Variants in EPHX1 observed in about 807,000 individuals in gnomAD.
EPHX1 encodes the protein epoxide hydrolase 1.
In EPHX1, 40 loss-of-function variants were observed where a neutral mutation model predicts 43.2. The observed-to-expected ratio is 0.93, with a 90% CI of 0.72 to 1.21. The LOEUF (loss-of-function observed/expected upper bound fraction) is 1.21. Among genes scored for constraint, EPHX1 ranks in the 50% most tolerant of loss-of-function variants. The probability of loss-of-function intolerance (pLI) is 0.00; values close to 1 mark genes in which losing one functional copy is unlikely to be tolerated. For synonymous variants in EPHX1, 221 were observed against 226.7 expected (o/e 0.98, Z 0.22); for missense variants, 550 against 570.4 (o/e 0.96, Z 0.36).
chr1:225,840,050 A>C lies in EPHX1; in HGVS notation c.931+13A>C. ...CCTGACACCGTAGGTGAGTGTGCTC[A>C]GGGGTCCTCGCCCACTGCCGGCTCC... On this transcript the variant is annotated intron_variant, in intron 6 of 8. Coordinates refer to ENST00000272167, the MANE Select transcript of EPHX1 (RefSeq NM_001136018.4). 6.2e-7 allele frequency: 1 copy of C among 1,613,412 alleles called. No individual in the cohort carries two copies. Among genetic ancestry groups the C allele is most frequent in the Non-Finnish European group, 8.5e-7 (1 of 1,179,708 alleles).
At chr1:225,841,728 A>G (rs1233779054) in intron 6 of EPHX1, among the ~76,000 whole-genome samples, 1 of 151,502 alleles carries the variant, frequency 6.6e-6, no homozygotes, top group Non-Finnish European at 1.5e-5. Flanking sequence ...CAGCCTCCCA[A>G]GTAGCTGGGA....
intron 1 of EPHX1, among the ~76,000 whole-genome samples, chr1:225,818,378 G>A (rs1666821132): frequency 6.6e-6 from 1 of 152,154 alleles, no homozygotes; most frequent in South Asian, 2.1e-4. Context: ...TAATCACCCT[G>A]ACAAATGTGA....
intron 3 of EPHX1, chr1:225,832,184 C>T (rs541374315): frequency 1.2e-5 from 7 of 566,124 alleles, no homozygotes; most frequent in South Asian, 1.2e-4. Context: ...AATTTAAAAA[C>T]CAAAGAAATG....
rs1181663794 is a variant in EPHX1 at position 225,839,204 on chromosome 1, C to A, written c.593-13C>A. The stretch of plus-strand genomic sequence containing the variant: ...TGACTCCGTGACTCCATGCCTTTCC[C>A]CATCACTGCCAGGGTTCAACTCGGT... On this transcript the variant is annotated splice_polypyrimidine_tract_variant and intron_variant, in intron 4 of 8. Transcript: ENST00000272167. 8.7e-6 allele frequency: 14 copies of A among 1,613,894 alleles called. No homozygotes were observed. The highest frequency in any genetic ancestry group is 1.7e-5 in the Admixed American group (1 of 60,008).
chr1:225,820,875 T>C (rs1199184370), intron 1 of EPHX1, among the ~76,000 whole-genome samples: 2 of 152,088 alleles, frequency 1.3e-5, no homozygotes, highest in Non-Finnish European at 2.9e-5. Context: ...TCTGCCCTGC[T>C]AAAGTGTGAG....
Position 225,842,680 on chromosome 1 carries a change from A to G in EPHX1, c.1040+206A>G, listed in dbSNP as rs564356150. On this transcript the variant is annotated intron_variant, in intron 7 of 8. Coordinates refer to ENST00000272167, the MANE Select transcript of EPHX1 (RefSeq NM_001136018.4). ...TGGGTTGTTCCCAGCCTCACAGTGC[A>G]TGGTCAAGACTAGGATGCAGGCTCA... Among the ~76,000 whole-genome samples, 3 of 152,352 alleles carry G rather than the reference A, an allele frequency of 2.0e-5. No homozygotes were observed. In the South Asian group the frequency reaches 6.2e-4, roughly 32 times the overall value.
At chr1:225,823,451 A>C (rs1667074769) in intron 1 of EPHX1, among the ~76,000 whole-genome samples, 1 of 152,202 alleles carries the variant, frequency 6.6e-6, no homozygotes, top group Non-Finnish European at 1.5e-5. Context: ...CTGGCTCCTT[A>C]AATGGCATCA....
At position 225,816,553 on chromosome 1, in the gene EPHX1, T is replaced by C. The variant is rs573741097; in HGVS notation, c.-6+6384T>C. 1.6e-4 allele frequency among the ~76,000 whole-genome samples: 25 copies of C among 152,338 alleles called. No homozygotes were observed. The East Asian group carries it at 4.4e-3, about 27-fold the overall frequency. On this transcript the variant is annotated intron_variant, in intron 1 of 8. Transcript: ENST00000272167. ...CCAAGAGCTCATGAGCCCTGCAGCA[T>C]GTGGGGCATCTCTCGGTCTTCTTGA...
intron 1 of EPHX1, among the ~76,000 whole-genome samples, chr1:225,811,098 A>T (rs1409933295): frequency 1.3e-5 from 2 of 152,136 alleles, no homozygotes; most frequent in South Asian, 4.1e-4. Context: ...CTTGTAGAAC[A>T]GGAAACTTGC....
At chr1:225,814,004 T>G (rs1271085517) in intron 1 of EPHX1, among the ~76,000 whole-genome samples, 1 of 152,182 alleles carries the variant, frequency 6.6e-6, no homozygotes, top group Non-Finnish European at 1.5e-5. Flanking sequence ...CCTTTAGCAT[T>G]TGGGAAGTTT....
intron 5 of EPHX1, 57 bp downstream of exon 5, chr1:225,839,403 C>A: frequency 9.9e-7 from 1 of 1,005,212 alleles, no homozygotes. Context: ...GTGTGTGTGT[C>A]CTCTAAGAAG....
At chr1:225,825,672 T>C (rs967499418) in intron 1 of EPHX1, 1 of 152,214 alleles carries the variant, frequency 6.6e-6, no homozygotes, top group African/African-American at 2.4e-5. Context: ...GCATAAAATA[T>C]TGGTGGAGCT....
chr1:225,845,457 T>TGCTGGGAGCCCAC lies in EPHX1; in HGVS notation c.*114_*126dup. 1 of 1,179,028 alleles carries TGCTGGGAGCCCAC rather than the reference T, an allele frequency of 8.5e-7. No homozygotes were observed. Among genetic ancestry groups the TGCTGGGAGCCCAC allele is most frequent in the South Asian group, 1.4e-5 (1 of 69,896 alleles). The allele number at this position is 1,179,028 out of a possible 1,614,324, so 73.0% of individuals were successfully genotyped here. On this transcript the variant is annotated 3_prime_UTR_variant, in exon 9 of 9. Coordinates refer to ENST00000272167, the MANE Select transcript of EPHX1 (RefSeq NM_001136018.4). The stretch of plus-strand genomic sequence containing the variant: ...TGAGTTTGCCTCCGTCCCCTGCCCA[T>TGCTGGGAGCCCAC]GCTGGGAGCCCACGCTCACCCCCTC...
At chr1:225,821,826 G>A (rs2102696024) in intron 1 of EPHX1, among the ~76,000 whole-genome samples, 1 of 152,180 alleles carries the variant, frequency 6.6e-6, no homozygotes, top group East Asian at 1.9e-4. Context: ...GCCTCCCAAA[G>A]TGCTGGGATT....
At chr1:225,834,678 A>G (rs995681475) in intron 3 of EPHX1, among the ~76,000 whole-genome samples, 19 of 151,338 alleles carry the variant, frequency 1.3e-4, no homozygotes, top group Non-Finnish European at 2.5e-4. Flanking sequence ...CAGTAATTTG[A>G]TATCTTCTAT....
intron 2 of EPHX1, among the ~76,000 whole-genome samples, chr1:225,830,623 C>T (rs771037633): frequency 6.6e-6 from 1 of 152,112 alleles, no homozygotes; most frequent in Non-Finnish European, 1.5e-5. Flanking sequence ...TGTCACCATG[C>T]CTGGCTAATT....
In EPHX1 at chr1:225,828,169, C is replaced by T. The variant is rs1051208852; in HGVS notation, c.-5-556C>T. The stretch of plus-strand genomic sequence containing the variant: ...GACCATCCTGGCTAACATGGTGAAA[C>T]CCCATCTCTACTAAAAATACAAAAA... On this transcript the variant is annotated intron_variant, in intron 1 of 8. Transcript: ENST00000272167. 3.9e-5 allele frequency among the ~76,000 whole-genome samples: 6 copies of T among 152,146 alleles called. No homozygotes were observed. In the East Asian group the frequency reaches 1.2e-3, roughly 29 times the overall value.
intron 1 of EPHX1, among the ~76,000 whole-genome samples, chr1:225,824,985 G>T (rs3753658): frequency 0.1 from 15,963 of 152,220 alleles, 1,081 homozygotes; most frequent in East Asian, 0.19. Context: ...TGGCTGTAAG[G>T]CACCATCCTT....
chr1:225,843,528 CA>C (rs1668616438), intron 7 of EPHX1, among the ~76,000 whole-genome samples: 1 of 152,200 alleles, frequency 6.6e-6, no homozygotes, highest in South Asian at 2.1e-4. Flanking sequence ...GGAGCTTCTG[CA>C]AGACCACCTT....
Sources: allele counts gnomAD v4.1 joint callset (sites outside exome capture counted in the v4.1 genomes callset), GRCh38; gene constraint gnomAD v4.1.1; transcripts MANE v1.5; gene names NCBI Gene and HGNC (gene_info 2026-07-23, HGNC 2026-07-21).